SMC5: variants seen among roughly 807,000 people sequenced by gnomAD.
SMC5 encodes structural maintenance of chromosomes 5, also known as structural maintenance of chromosomes protein 5.
SMC5 carries 88 observed loss-of-function variants against 148.3 expected under a neutral mutation model. That is an observed-to-expected ratio of 0.59 (90% CI 0.50 to 0.71). The LOEUF (loss-of-function observed/expected upper bound fraction) is 0.71. SMC5 is among the 30% of genes least tolerant of loss of function. The pLI is 0.00. For synonymous variants in SMC5, 421 were observed against 432.8 expected (o/e 0.97, Z 0.34); for missense variants, 1,142 against 1,298.9 (o/e 0.88, Z 1.86).
At chr9:70,282,049 T>A (rs1377352011) in intron 6 of SMC5, among the ~76,000 whole-genome samples, 1 of 144,598 alleles carries the variant, frequency 6.9e-6, no homozygotes, top group Non-Finnish European at 1.5e-5. Context: ...GTTTTTTTTT[T>A]TTATTTTTAC....
chr9:70,327,930 T>C (rs560649952), intron 17 of SMC5, among the ~76,000 whole-genome samples: 12 of 152,154 alleles, frequency 7.9e-5, no homozygotes, highest in African/African-American at 1.9e-4. Flanking sequence ...TTAACAATTA[T>C]GGTGTAAGGT....
At chr9:70,340,532 A>G (rs1464987176) in intron 17 of SMC5, among the ~76,000 whole-genome samples, 1 of 151,868 alleles carries the variant, frequency 6.6e-6, no homozygotes, top group Non-Finnish European at 1.5e-5. Context: ...AATGGTTAAC[A>G]TTTGAATTTG....
At chr9:70,333,237 T>C (rs1465514499) in intron 17 of SMC5, among the ~76,000 whole-genome samples, 1 of 152,236 alleles carries the variant, frequency 6.6e-6, no homozygotes, top group East Asian at 1.9e-4. Context: ...AGAAATTCAT[T>C]GCGGCCCCAC....
chr9:70,293,992 T>C (rs2035132359), intron 8 of SMC5, among the ~76,000 whole-genome samples: 1 of 152,162 alleles, frequency 6.6e-6, no homozygotes, highest in Non-Finnish European at 1.5e-5. Flanking sequence ...TAAGGTGTAA[T>C]TTGAGAAACA....
intron 22 of SMC5, among the ~76,000 whole-genome samples, chr9:70,348,813 G>A (rs1017108208): frequency 1.3e-5 from 2 of 152,120 alleles, no homozygotes; most frequent in Non-Finnish European, 1.5e-5. Context: ...TTTAAGACAG[G>A]CAAAGGCCAG....
At chr9:70,306,727 A>G (rs972904406) in intron 11 of SMC5, among the ~76,000 whole-genome samples, 1 of 152,216 alleles carries the variant, frequency 6.6e-6, no homozygotes, top group Non-Finnish European at 1.5e-5. Flanking sequence ...TGATGATACA[A>G]TATAGATTCC....
chr9:70,267,431 T>C (rs1375621948), intron 2 of SMC5, among the ~76,000 whole-genome samples: 1 of 152,184 alleles, frequency 6.6e-6, no homozygotes, highest in African/African-American at 2.4e-5. Context: ...GTGGCAATTA[T>C]ATCATTAACA....
chr9:70,336,644 C>T (rs1397038669), intron 17 of SMC5, among the ~76,000 whole-genome samples: 1 of 152,166 alleles, frequency 6.6e-6, no homozygotes, highest in East Asian at 1.9e-4. Context: ...TCATCTGCTA[C>T]TTTTTCATCT....
chr9:70,316,624 A>G (rs1034963521), intron 13 of SMC5, among the ~76,000 whole-genome samples: 1 of 152,112 alleles, frequency 6.6e-6, no homozygotes, highest in Admixed American at 6.5e-5. Flanking sequence ...CTTTAGGGGT[A>G]GGTAGGGTTC....
chr9:70,297,344 ACTCT>A (rs1212027390), intron 8 of SMC5, among the ~76,000 whole-genome samples: 2 of 152,248 alleles, frequency 1.3e-5, no homozygotes, highest in African/African-American at 4.8e-5. Flanking sequence ...ATCATTCCTG[ACTCT>A]CTATTTATAT....
chr9:70,269,102 T>C (rs1378118674), intron 3 of SMC5, among the ~76,000 whole-genome samples: 1 of 152,186 alleles, frequency 6.6e-6, no homozygotes, highest in Non-Finnish European at 1.5e-5. Context: ...AACGTTCTTT[T>C]ATAAAAAATT....
Position 70,318,695 on chromosome 9 carries a change from A to C in SMC5, c.1980+8A>C, listed in dbSNP as rs2035871141. On this transcript the variant is annotated splice_region_variant and intron_variant, in intron 14 of 24. Transcript: ENST00000361138. ...TTAGAAGAACAGCTAAAGGTTGGTT[A>C]ATTTGATCTGAATGTTAGAAAAGAA... 3 of 1,580,214 alleles carry C rather than the reference A, an allele frequency of 1.9e-6. No homozygotes were observed. Among genetic ancestry groups the C allele is most frequent in the Admixed American group, 1.9e-5 (1 of 52,570 alleles).
At chr9:70,300,828 A>G (rs935612878) in intron 10 of SMC5, among the ~76,000 whole-genome samples, 5 of 152,084 alleles carry the variant, frequency 3.3e-5, no homozygotes, top group African/African-American at 1.2e-4. Context: ...AGAGTAAAAA[A>G]CTAACATTCT....
intron 22 of SMC5, among the ~76,000 whole-genome samples, chr9:70,349,012 T>G (rs1260246885): frequency 1.3e-5 from 2 of 152,232 alleles, no homozygotes; most frequent in Non-Finnish European, 2.9e-5. Flanking sequence ...CAGTACTATC[T>G]TAGACCTTAA....
At chr9:70,289,751 A>G (rs1476950794) in intron 8 of SMC5, among the ~76,000 whole-genome samples, 4 of 152,026 alleles carry the variant, frequency 2.6e-5, no homozygotes, top group Non-Finnish European at 4.4e-5. Flanking sequence ...CATTTCTAAC[A>G]AAAGAGTTCA....
At chr9:70,299,995 C>A in intron 9 of SMC5, 51 bp from the exon 10 acceptor site, 1 of 1,480,350 alleles carries the variant, frequency 6.8e-7, no homozygotes, top group Non-Finnish European at 9.0e-7. Context: ...GATTATTTCA[C>A]TAATTAAAAT....
chr9:70,278,512 A>G lies in SMC5; in HGVS notation c.565A>G (p.Lys189Glu). Residue 189 changes from lysine to glutamate, a missense_variant, in exon 5 of 25, where the codon AAA becomes GAA. Lys to Glu is a moderately conservative substitution (Grantham distance 56). Around this residue, in one of 5 missense-constraint regions of SMC5, gnomAD observed 297 missense variants for 302.6 expected, o/e 0.98. Coordinates refer to ENST00000361138, the MANE Select transcript of SMC5 (RefSeq NM_015110.4). ...CTAGGACAAAGTTGGAGAATTTGCT[A>G]AACTCAGCAAAATTGAACTCCTCGA... ...LPQDKVGEFA[K>E]LSKIELLEAT... 1.2e-6 allele frequency: 2 copies of G among 1,607,976 alleles called. No homozygotes were observed. The highest frequency in any genetic ancestry group is 1.3e-5 in the African/African-American group (1 of 74,556).
Position 70,269,599 on chromosome 9 carries a change from A to G in SMC5, c.380+1624A>G, listed in dbSNP as rs542805251. 2.0e-5 allele frequency among the ~76,000 whole-genome samples: 3 copies of G among 152,272 alleles called. No homozygotes were observed. The South Asian group carries it at 6.2e-4, about 32-fold the overall frequency. On this transcript the variant is annotated intron_variant, in intron 3 of 24. Coordinates refer to ENST00000361138, the MANE Select transcript of SMC5 (RefSeq NM_015110.4). ...CTGTCTGCAAAAAAAACAAAAACAA[A>G]AAAAGTCAATCCTTTGTAAATTAAT...
intron 3 of SMC5, among the ~76,000 whole-genome samples, chr9:70,271,802 G>A (rs953474269): frequency 1.3e-5 from 2 of 152,196 alleles, no homozygotes; most frequent in African/African-American, 4.8e-5. Context: ...AATATTTCAG[G>A]TATAGAGATT....
Sources: allele counts gnomAD v4.1 joint callset (sites outside exome capture counted in the v4.1 genomes callset), GRCh38; gene constraint gnomAD v4.1.1; regional missense constraint gnomAD v4.1.1; transcripts MANE v1.5; gene names NCBI Gene and HGNC (gene_info 2026-07-23, HGNC 2026-07-21).